The following CTNNA2 variants were observed in gnomAD, a reference collection of about 807,000 sequenced individuals.
CTNNA2 encodes the protein catenin alpha 2.
CTNNA2 carries 42 observed loss-of-function variants against 101.0 expected under a neutral mutation model. The ratio of observed to expected loss-of-function variants is 0.42; its 90% confidence interval spans 0.32 to 0.54. The LOEUF is 0.54. Ranked by LOEUF, CTNNA2 falls within the 20% of genes least tolerant of loss-of-function variation. The pLI is 0.14. For missense variants in CTNNA2, 871 were observed against 1,223.1 expected, an observed-to-expected ratio of 0.71 and a Z score of 4.29; for synonymous variants, 450 against 456.4, an observed-to-expected ratio of 0.99 and a Z score of 0.18.
intron 9 of CTNNA2, among the ~76,000 whole-genome samples, chr2:80,441,262 T>C (rs908650064): frequency 6.6e-6 from 1 of 152,120 alleles, no homozygotes; most frequent in Non-Finnish European, 1.5e-5. Context: ...CAAAAAAAAT[T>C]ATTGGTGAAG....
rs1457359249 is a variant in CTNNA2, at chr2:80,574,150, AT to A, written c.1742-8del. 2 of 1,605,748 alleles carry A rather than the reference AT, an allele frequency of 1.2e-6. No homozygotes were observed. The highest frequency in any genetic ancestry group is 1.7e-6 in the Non-Finnish European group (2 of 1,174,626). Reference sequence around the variant, plus strand: ...GAAATTGCCTAATCCTCTGCTTTTTATTTTTAACCCAGTGATGCCACGCTTC... The same window carrying A: ...GAAATTGCCTAATCCTCTGCTTTTTATTTTAACCCAGTGATGCCACGCTTC... On this transcript the variant is annotated splice_polypyrimidine_tract_variant and intron_variant, in intron 12 of 18. Coordinates refer to ENST00000402739, the MANE Select transcript of CTNNA2 (RefSeq NM_001282597.3).
chr2:79,898,245 T>C (rs1380312870), intron 6 of CTNNA2, among the ~76,000 whole-genome samples: 1 of 152,088 alleles, frequency 6.6e-6, no homozygotes, highest in Non-Finnish European at 1.5e-5. Flanking sequence ...GTGATTCTCC[T>C]GCCTCAGCCT....
chr2:79,347,733 T>C (rs1251614134), intron 3 of CTNNA2, among the ~76,000 whole-genome samples: 1 of 151,758 alleles, frequency 6.6e-6, no homozygotes, highest in African/African-American at 2.4e-5. Flanking sequence ...CTGACCACTC[T>C]AAAATACTCG....
chr2:80,145,588 ACT>A (rs1703283935), intron 7 of CTNNA2, among the ~76,000 whole-genome samples: 2 of 152,070 alleles, frequency 1.3e-5, no homozygotes, highest in Non-Finnish European at 2.9e-5. Flanking sequence ...ATTAGTGCCT[ACT>A]CTTTGTGAGG....
intron 12 of CTNNA2, among the ~76,000 whole-genome samples, chr2:80,567,130 C>T (rs1694132394): frequency 6.6e-6 from 1 of 152,198 alleles, no homozygotes; most frequent in South Asian, 2.1e-4. Context: ...GTAATGCTCC[C>T]ACCCAAACAT....
At chr2:80,484,262 A>G (rs1214627421) in intron 9 of CTNNA2, among the ~76,000 whole-genome samples, 1 of 152,172 alleles carries the variant, frequency 6.6e-6, no homozygotes, top group African/African-American at 2.4e-5. Context: ...GATTTATAAC[A>G]CGTACCTATG....
Position 79,707,379 on chromosome 2 carries a change from G to A in CTNNA2, c.103-37008G>A, listed in dbSNP as rs114250313. On this transcript the variant is annotated intron_variant, in intron 2 of 18. Coordinates refer to ENST00000402739, the MANE Select transcript of CTNNA2 (RefSeq NM_001282597.3). ...AGAGAGACCAGGTGTGTGTTTTTCT[G>A]AGGGCATGTCTGTGTGAGTCCCTGT... Among the ~76,000 whole-genome samples the A allele has an allele frequency of 4.0e-3, 608 of 152,272 alleles. 4 individuals carry two copies. The highest frequency in any genetic ancestry group is 4.7e-3 in the Non-Finnish European group (320 of 68,020).
chr2:79,759,355 T>C (rs1372418920), intron 3 of CTNNA2, among the ~76,000 whole-genome samples: 1 of 152,060 alleles, frequency 6.6e-6, no homozygotes, highest in Non-Finnish European at 1.5e-5. Context: ...ATCGTGCCAC[T>C]GCACTCCAGC....
chr2:80,608,357 C>T (rs568906492), intron 17 of CTNNA2, 39 bp downstream of exon 17: 61 of 1,578,868 alleles, frequency 3.9e-5, no homozygotes, highest in South Asian at 3.7e-4. Flanking sequence ...AAGTTCCCAC[C>T]GTTGCACTTC....
intron 3 of CTNNA2, among the ~76,000 whole-genome samples, chr2:79,371,126 C>T (rs1182207523): frequency 8.9e-6 from 1 of 112,794 alleles, no homozygotes; most frequent in Non-Finnish European, 1.9e-5. Flanking sequence ...TAGCATGGTT[C>T]TGGCAAGCCT....
intron 4 of CTNNA2, among the ~76,000 whole-genome samples, chr2:79,476,652 C>G (rs1468838319): frequency 6.6e-6 from 1 of 152,172 alleles, no homozygotes; most frequent in Non-Finnish European, 1.5e-5. Context: ...TATCCCAACT[C>G]TCTAGATCTT....
intron 2 of CTNNA2, among the ~76,000 whole-genome samples, chr2:79,664,436 A>G (rs186137003): frequency 4.6e-5 from 7 of 152,314 alleles, no homozygotes; most frequent in African/African-American, 1.4e-4. Flanking sequence ...GGGACAATAT[A>G]TATTCATTAT....
chr2:79,797,724 T>C (rs1037302101), intron 3 of CTNNA2, among the ~76,000 whole-genome samples: 7 of 151,886 alleles, frequency 4.6e-5, no homozygotes, highest in Non-Finnish European at 8.8e-5. Flanking sequence ...TTTGTACATT[T>C]AGATGTTTTG....
At chr2:80,102,131 T>C (rs756438430) in intron 7 of CTNNA2, among the ~76,000 whole-genome samples, 5 of 152,202 alleles carry the variant, frequency 3.3e-5, no homozygotes, top group Non-Finnish European at 7.3e-5. Flanking sequence ...GTGCCCGATA[T>C]AAGGTTAGTA....
At chr2:79,547,801 A>G (rs891214907) in intron 1 of CTNNA2, 2 of 152,744 alleles carry the variant, frequency 1.3e-5, no homozygotes, top group African/African-American at 2.4e-5. Context: ...TTCCACACTG[A>G]TTACATATAT....
chr2:80,071,334 G>A (rs554316347), intron 7 of CTNNA2, among the ~76,000 whole-genome samples: 4 of 152,250 alleles, frequency 2.6e-5, no homozygotes, highest in African/African-American at 7.2e-5. Context: ...TCCCTATTCC[G>A]TGCCGTCAAT....
intron 4 of CTNNA2, among the ~76,000 whole-genome samples, chr2:79,503,506 C>A (rs1200213947): frequency 1.3e-5 from 2 of 152,122 alleles, no homozygotes; most frequent in Non-Finnish European, 2.9e-5. Flanking sequence ...CCTGATCTTA[C>A]TACATACTTA....
At chr2:79,729,277 G>A (rs1687058350) in intron 2 of CTNNA2, among the ~76,000 whole-genome samples, 1 of 151,980 alleles carries the variant, frequency 6.6e-6, no homozygotes, top group South Asian at 2.1e-4. Context: ...CATTCCTTTG[G>A]CTACAGAGCT....
chr2:79,326,300 CAAAA>C (rs72151080), intron 3 of CTNNA2, among the ~76,000 whole-genome samples: 4 of 118,932 alleles, frequency 3.4e-5, no homozygotes, highest in Admixed American at 8.4e-5. Context: ...AACAAACAAG[CAAAA>C]AAAAAAAAAA....
Sources: allele counts gnomAD v4.1 joint callset (sites outside exome capture counted in the v4.1 genomes callset), GRCh38; gene constraint gnomAD v4.1.1; transcripts MANE v1.5; gene names NCBI Gene and HGNC (gene_info 2026-07-23, HGNC 2026-07-21).